Variants in ZNF263 observed in about 807,000 individuals in gnomAD.
ZNF263 encodes the protein zinc finger protein 263, also known as zinc finger protein FPM315.
A neutral mutation model predicts 63.1 loss-of-function variants in ZNF263; 49 were observed. The ratio of observed to expected loss-of-function variants is 0.78; its 90% CI spans 0.62 to 0.99. ZNF263 has a LOEUF of 0.99. Among genes scored for constraint, ZNF263 ranks in the 50% least tolerant of loss-of-function variants. The pLI is 0.00. For missense variants in ZNF263, 872 were observed against 854.8 expected (o/e 1.02, Z -0.25); for synonymous variants, 352 against 324.2 (o/e 1.09, Z -0.92).
rs148532135 is a variant in ZNF263, at chr16:3,288,567, C to G, written c.883C>G (p.Pro295Ala). Residue 295 changes from proline (P) to alanine (A), a missense_variant, in exon 5 of 6, where the codon CCA becomes GCA. Pro to Ala is a conservative substitution (Grantham distance 27). Transcript: ENST00000219069. ...KEGLSPRGPAPGEEKFENLEG... is the reference protein window; with the variant it reads ...KEGLSPRGPAAGEEKFENLEG... ...GGGCCTGAGCCCCAGAGGCCCAGCT[C>G]CAGGTAAGGAATGAAGACAAGTGGC... The G allele has an allele frequency of 4.0e-4, 645 of 1,607,774 alleles. 7 individuals are homozygous for G. In the African/African-American group the frequency reaches 6.9e-3, roughly 17 times the overall value.
chr16:3,299,175 T>TA, intron 2 of ZNF263: 1 of 1,586,678 alleles, frequency 6.3e-7, no homozygotes, highest in Non-Finnish European at 8.6e-7. Context: ...AACTCTCTCT[T>TA]ACAGCAGATA....
In ZNF263 at chr16:3,283,540, G is replaced by A; in HGVS notation, c.-279G>A. 1 of 301,754 alleles carries A rather than the reference G, an allele frequency of 3.3e-6. No homozygotes were observed. The highest frequency in any genetic ancestry group is 5.5e-5 in the Admixed American group (1 of 18,140). 18.7% of individuals were successfully genotyped at this position (301,754 alleles called of 1,614,324 possible). ...GTGGGAGCAGAGGTCTGAGTCTTGC[G>A]TGGGTCCTCTATATAGGGTGAGAAG... On this transcript the variant is annotated 5_prime_UTR_variant, in exon 1 of 6. It adds an upstream start codon to the 5' untranslated region. Transcript: ENST00000219069.
rs1959583183 is a variant in ZNF263, at chr16:3,290,711, G to A, written c.*153G>A. Reference sequence around the variant, plus strand: ...TGAGGGAGGTGCAGAGGCAGCAGAGGATTGGCATAAAACTGAAAAGGAGTT... The same window carrying A: ...TGAGGGAGGTGCAGAGGCAGCAGAGAATTGGCATAAAACTGAAAAGGAGTT... On this transcript the variant is annotated 3_prime_UTR_variant, in exon 6 of 6. Transcript: ENST00000219069. The A allele has an allele frequency of 1.4e-6, 2 of 1,429,714 alleles. No homozygotes were observed. The highest frequency in any genetic ancestry group is 1.8e-6 in the Non-Finnish European group (2 of 1,097,822). The allele number at this position is 1,429,714 out of a possible 1,614,324, so 88.6% of individuals were successfully genotyped here. A position where few individuals can be genotyped will look rare whatever the true frequency, so the allele number is the denominator to read the frequency against.
chr16:3,286,269 TCC>T, intron 4 of ZNF263, 120 bp downstream of exon 4: 2 of 1,422,290 alleles, frequency 1.4e-6, no homozygotes, highest in Non-Finnish European at 1.9e-6. Context: ...ACAGGAGACT[TCC>T]CTTTGTCTAA....
chr16:3,286,654 T>C (rs1305014133), intron 4 of ZNF263: 1 of 152,740 alleles, frequency 6.5e-6, no homozygotes, highest in Non-Finnish European at 1.5e-5. Context: ...GAGGGTCTTG[T>C]GGAAATTTGG....
At chr16:3,288,731 C>T (rs1461824539) in intron 5 of ZNF263, among the ~76,000 whole-genome samples, 161 bp downstream of exon 5, 3 of 152,068 alleles carry the variant, frequency 2.0e-5, no homozygotes, top group Admixed American at 6.5e-5. Flanking sequence ...CTGCAAGCTC[C>T]GCCTCCCAGG....
chr16:3,288,616 T>C (rs972695778), intron 5 of ZNF263, 46 bp downstream of exon 5: 2 of 1,464,930 alleles, frequency 1.4e-6, no homozygotes, highest in Non-Finnish European at 1.9e-6. Context: ...AGCAAGGCTC[T>C]TGCAGTTAAG....
chr16:3,283,514 C>T lies in ZNF263; in HGVS notation c.-305C>T, dbSNP rs1959227299. 2 of 265,112 alleles carry T rather than the reference C, an allele frequency of 7.5e-6. No homozygotes were observed. Among genetic ancestry groups the T allele is most frequent in the Non-Finnish European group, 1.4e-5 (2 of 143,550 alleles). The allele number at this position is 265,112 out of a possible 1,614,324, so 16.4% of individuals were successfully genotyped here. A position where few individuals can be genotyped will look rare whatever the true frequency, so the allele number is the denominator to read the frequency against. ...CTAACTTGCGCGCTGAGATTTCCGG[C>T]GTGGGAGCAGAGGTCTGAGTCTTGC... is the stretch of plus-strand genomic sequence containing the variant. On this transcript the variant is annotated 5_prime_UTR_variant, in exon 1 of 6. Coordinates refer to ENST00000219069, the MANE Select transcript of ZNF263 (RefSeq NM_005741.5).
rs530893459 is a variant in ZNF263, at chr16:3,283,754, G to A, written c.-65G>A. On this transcript the variant is annotated 5_prime_UTR_variant, in exon 1 of 6. Transcript: ENST00000219069. Reference sequence around the variant, plus strand: ...TGCTGGCGCCGTCCAACCTTACATGGGTTCAGGGCGCCTTCGTAGGCGGGC... The same window carrying A: ...TGCTGGCGCCGTCCAACCTTACATGAGTTCAGGGCGCCTTCGTAGGCGGGC... 1.4e-6 allele frequency: 2 copies of A among 1,474,798 alleles called. No individual in the cohort carries two copies. The highest frequency in any genetic ancestry group is 2.3e-5 in the Admixed American group (1 of 42,570). 91.4% of individuals were successfully genotyped at this position (1,474,798 alleles called of 1,614,324 possible).
Position 3,289,601 on chromosome 16 carries a change from A to C in ZNF263, c.1095A>C (p.Glu365Asp), listed in dbSNP as rs376586511. 80 of 1,614,176 alleles carry C rather than the reference A, an allele frequency of 5.0e-5. No homozygotes were observed. Among genetic ancestry groups the C allele is most frequent in the Admixed American group, 1.5e-4 (9 of 60,038 alleles). Residue 365 changes from glutamate (E) to aspartate (D), a missense_variant, in exon 6 of 6, where the codon GAA (glutamate) becomes GAC (aspartate). Transcript: ENST00000219069. ...TGGCAGGAGCCTCAAGTGGCAGAGA[A>C]CTGGGGCGACCGAAGGAACTGCAGC... Reference protein sequence around the residue: ...QALAGASSGRELGRPKELQPK... With the variant: ...QALAGASSGRDLGRPKELQPK...
intron 5 of ZNF263, among the ~76,000 whole-genome samples, 200 bp downstream of exon 5, chr16:3,288,770 C>T (rs377314670): frequency 3.9e-5 from 6 of 152,076 alleles, no homozygotes; most frequent in African/African-American, 1.4e-4. Flanking sequence ...CTCAGCCTCC[C>T]GAGTAGCTGG....
Position 3,290,234 on chromosome 16 carries a change from A to G in ZNF263, c.1728A>G (p.Glu576=), listed in dbSNP as rs758524360. ...ATAAGGCAGAGAAGAAGCTCTTTGAATGTTTGACTTGTGGGAAAAGCTTCC... is the reference window on the plus strand; with the variant it reads ...ATAAGGCAGAGAAGAAGCTCTTTGAGTGTTTGACTTGTGGGAAAAGCTTCC... ...GAHKAEKKLF[E]CLTCGKSFRQ... The change falls in exon 6 of 6, where the codon GAA becomes GAG. Residue 576 remains glutamate (E), a synonymous_variant. Transcript: ENST00000219069. 5.0e-6 allele frequency: 8 copies of G among 1,614,148 alleles called. 2 individuals are homozygous for G. The South Asian group carries it at 7.7e-5, about 16-fold the overall frequency.
chr16:3,297,706 T>G (rs965618109), intron 1 of ZNF263, among the ~76,000 whole-genome samples: 3 of 152,032 alleles, frequency 2.0e-5, no homozygotes, highest in Non-Finnish European at 4.4e-5. Context: ...CCTCGTGATC[T>G]GCCCTCCTCG....
chr16:3,297,090 G>A (rs1282090275), intron 1 of ZNF263, among the ~76,000 whole-genome samples: 3 of 152,038 alleles, frequency 2.0e-5, no homozygotes, highest in Non-Finnish European at 4.4e-5. Flanking sequence ...GGATCACGAG[G>A]TCAGGAGTTC....
chr16:3,284,045 C>G lies in ZNF263; in HGVS notation c.227C>G (p.Thr76Arg). ...CHGWLRPEMR[T>R]KEQILELLVL... ...GGGTGGCTTCGGCCTGAGATGCGCA[C>G]GAAGGAGCAGATCTTGGAGCTGCTG... Residue 76 changes from threonine to arginine, a missense_variant, in exon 1 of 6, where the codon ACG (threonine) becomes AGG (arginine). Thr to Arg is a moderately conservative substitution (Grantham distance 71). Transcript: ENST00000219069. 1.2e-6 allele frequency: 2 copies of G among 1,613,702 alleles called. No individual in the cohort carries two copies. The highest frequency in any genetic ancestry group is 1.7e-6 in the Non-Finnish European group (2 of 1,179,810).
At chr16:3,298,995 A>G in intron 1 of ZNF263, 1 of 1,316,778 alleles carries the variant, frequency 7.6e-7, no homozygotes, top group South Asian at 2.8e-5. Flanking sequence ...TTGAAGGCCC[A>G]CTGAAGGAGT....
chr16:3,295,044 AC>A (rs1396821382), downstream of ZNF263, among the ~76,000 whole-genome samples: 1 of 151,954 alleles, frequency 6.6e-6, no homozygotes, highest in Non-Finnish European at 1.5e-5. Flanking sequence ...CAGCCCCAGC[AC>A]CCGGCGCAAG....
downstream of ZNF263, chr16:3,291,549 C>G (rs1959612536): frequency 1.0e-6 from 1 of 956,376 alleles, no homozygotes. Flanking sequence ...CCTGCTTTCT[C>G]ATAGACTTAC....
At position 3,290,146 on chromosome 16, in the gene ZNF263, C is replaced by G. The variant is rs1218546188; in HGVS notation, c.1640C>G (p.Pro547Arg). ...ERTHERERLY[P>R]FSECGEAVSD... is the part of the protein sequence containing the mutation. ...ACTCATGAGAGAGAGAGACTTTACC[C>G]CTTCTCTGAGTGTGGGGAAGCTGTG... The change falls in exon 6 of 6, where the codon CCC becomes CGC. Residue 547 changes from proline to arginine, a missense_variant. Pro to Arg is a moderately radical substitution (Grantham distance 103, BLOSUM62 -2). Coordinates refer to ENST00000219069, the MANE Select transcript of ZNF263 (RefSeq NM_005741.5). The G allele has an allele frequency of 6.2e-7, 1 of 1,613,972 alleles. No individual in the cohort carries two copies. The highest frequency in any genetic ancestry group is 2.2e-5 in the East Asian group (1 of 44,844).
Sources: allele counts gnomAD v4.1 joint callset (sites outside exome capture counted in the v4.1 genomes callset), GRCh38; gene constraint gnomAD v4.1.1; transcripts MANE v1.5; gene names NCBI Gene and HGNC (gene_info 2026-07-23, HGNC 2026-07-21).